The following FOXP1 variants were observed in gnomAD, a reference collection of about 807,000 sequenced individuals.
The protein encoded by FOXP1 is forkhead box protein P1.
Under a neutral mutation model 98.2 loss-of-function variants are expected in FOXP1, and 15 were observed. That is an observed-to-expected ratio of 0.15 (90% CI 0.10 to 0.24). The LOEUF is 0.24. Ranked by LOEUF, FOXP1 falls within the 10% of genes least tolerant of loss-of-function variation. The pLI is 1.00. For synonymous variants in FOXP1, 371 were observed against 314.5 expected (o/e 1.18, Z -1.90); for missense variants, 633 against 848.5 (o/e 0.75, Z 3.15).
chr3:71,501,347 T>G (rs1290237694), intron 2 of FOXP1, among the ~76,000 whole-genome samples: 20 of 145,406 alleles, frequency 1.4e-4, no homozygotes, highest in Non-Finnish European at 2.7e-4. Context: ...CAGGCTGGAG[T>G]GCAGTGGTGC....
intron 2 of FOXP1, chr3:71,572,146 G>A (rs2047387953): frequency 6.6e-6 from 1 of 152,198 alleles, no homozygotes; most frequent in Non-Finnish European, 1.5e-5. Flanking sequence ...TCCAAGCCAA[G>A]TCTTTAAATA....
chr3:71,156,940 G>A (rs2060853023), intron 6 of FOXP1, among the ~76,000 whole-genome samples: 1 of 152,178 alleles, frequency 6.6e-6, no homozygotes, highest in South Asian at 2.1e-4. Context: ...CTGAAAAGCT[G>A]GTGAACAGTG....
At chr3:71,537,715 A>T (rs2044418731) in intron 2 of FOXP1, among the ~76,000 whole-genome samples, 1 of 152,198 alleles carries the variant, frequency 6.6e-6, no homozygotes, top group East Asian at 1.9e-4. Context: ...ACCTCCTCTA[A>T]TGAAGCTGCT....
rs549458733 is a variant in FOXP1 at position 71,392,682 on chromosome 3, A to G, written c.-167-33438T>C. ...TGGGCATCTATATCGTGCTCTTCCC[A>G]GTAGAAAGCTCACTTTTCCATGAAC... On this transcript the variant is annotated intron_variant, in intron 3 of 20. Coordinates refer to ENST00000649528, the MANE Select transcript of FOXP1 (RefSeq NM_001349338.3). Among the ~76,000 whole-genome samples, 6 of 152,342 alleles carry G rather than the reference A, an allele frequency of 3.9e-5. No homozygotes were observed. The South Asian group carries it at 1.0e-3, about 26-fold the overall frequency.
intron 6 of FOXP1, among the ~76,000 whole-genome samples, chr3:71,189,368 T>C (rs971109681): frequency 6.6e-6 from 1 of 152,236 alleles, no homozygotes; most frequent in African/African-American, 2.4e-5. Flanking sequence ...TTTTGGAAGA[T>C]GTATTCATTA....
intron 7 of FOXP1, among the ~76,000 whole-genome samples, chr3:71,076,774 A>G (rs2053847324): frequency 6.6e-6 from 1 of 152,092 alleles, no homozygotes; most frequent in African/African-American, 2.4e-5. Context: ...TGTCATGGCC[A>G]TGATTAACAT....
At chr3:71,072,703 CCTG>C (rs1164692464) in intron 7 of FOXP1, among the ~76,000 whole-genome samples, 1 of 152,150 alleles carries the variant, frequency 6.6e-6, no homozygotes, top group Non-Finnish European at 1.5e-5. Context: ...TTCAACCATG[CCTG>C]CTTTCACCAA....
chr3:71,256,797 C>G (rs1263024860), intron 5 of FOXP1, among the ~76,000 whole-genome samples: 1 of 152,168 alleles, frequency 6.6e-6, no homozygotes, highest in Non-Finnish European at 1.5e-5. Flanking sequence ...GGGACTTAGA[C>G]TAGGCCTGTC....
intron 5 of FOXP1, among the ~76,000 whole-genome samples, chr3:71,213,794 C>T (rs1361343184): frequency 5.9e-5 from 9 of 151,938 alleles, no homozygotes; most frequent in African/African-American, 1.2e-4. Flanking sequence ...CCAGCCTGGG[C>T]GACAGAGCAA....
chr3:71,499,570 A>C (rs1176312298), intron 2 of FOXP1, among the ~76,000 whole-genome samples: 1 of 152,240 alleles, frequency 6.6e-6, no homozygotes, highest in Non-Finnish European at 1.5e-5. Context: ...GGCCAAGGCC[A>C]CCTCATGGAG....
intron 6 of FOXP1, among the ~76,000 whole-genome samples, chr3:71,115,940 T>C (rs1189928112): frequency 6.6e-6 from 1 of 151,920 alleles, no homozygotes; most frequent in Non-Finnish European, 1.5e-5. Flanking sequence ...TTTTGCCACG[T>C]CGGCCGGGCT....
At chr3:71,201,997 G>A (rs1312104211) in intron 5 of FOXP1, among the ~76,000 whole-genome samples, 2 of 152,124 alleles carry the variant, frequency 1.3e-5, no homozygotes, top group African/African-American at 2.4e-5. Context: ...TGTGACCATC[G>A]GGATCCCAGG....
chr3:71,162,687 AC>A (rs1037829110), intron 6 of FOXP1, among the ~76,000 whole-genome samples: 2 of 152,148 alleles, frequency 1.3e-5, no homozygotes, highest in African/African-American at 2.4e-5. Context: ...GTGAAGCCCC[AC>A]CCATTGTTAC....
chr3:71,539,985 G>T (rs1424216593), intron 2 of FOXP1, among the ~76,000 whole-genome samples: 1 of 152,158 alleles, frequency 6.6e-6, no homozygotes, highest in Non-Finnish European at 1.5e-5. Context: ...ATAAACACCT[G>T]TTGAATGAAC....
At chr3:71,190,784 A>G (rs2062931939) in intron 6 of FOXP1, among the ~76,000 whole-genome samples, 1 of 152,150 alleles carries the variant, frequency 6.6e-6, no homozygotes, top group Non-Finnish European at 1.5e-5. Flanking sequence ...GAAACTCTTC[A>G]TGACATTTTC....
intron 5 of FOXP1, among the ~76,000 whole-genome samples, chr3:71,265,960 G>A (rs908607697): frequency 3.3e-5 from 5 of 152,276 alleles, no homozygotes; most frequent in South Asian, 2.1e-4. Flanking sequence ...AGGCCATCCC[G>A]GTCTAATGAC....
intron 4 of FOXP1, among the ~76,000 whole-genome samples, chr3:71,353,393 G>A (rs1296968927): frequency 6.6e-6 from 1 of 152,214 alleles, no homozygotes. Context: ...GTGATATTTG[G>A]AGACAGGGGT....
chr3:71,178,904 C>CAA (rs533841398), intron 6 of FOXP1, among the ~76,000 whole-genome samples: 1 of 135,460 alleles, frequency 7.4e-6, no homozygotes, highest in African/African-American at 2.7e-5. Flanking sequence ...AACAAACAAA[C>CAA]AAAAAAAAAA....
chr3:71,113,732 T>TAAAATAAAATAAAATAAAATAAAAA (rs2058130739), intron 6 of FOXP1, among the ~76,000 whole-genome samples: 1 of 147,382 alleles, frequency 6.8e-6, no homozygotes, highest in Non-Finnish European at 1.5e-5. Context: ...TAAAATAAAA[T>TAAAATAAAATAAAATAAAATAAAAA]AAAATAAAAT....
Sources: allele counts gnomAD v4.1 joint callset (sites outside exome capture counted in the v4.1 genomes callset), GRCh38; gene constraint gnomAD v4.1.1; transcripts MANE v1.5; gene names NCBI Gene and HGNC (gene_info 2026-07-23, HGNC 2026-07-21).